Variants in PXDNL observed in about 807,000 individuals in gnomAD.
PXDNL encodes peroxidasin like.
PXDNL carries 145 observed loss-of-function variants against 150.8 expected under a neutral mutation model. The observed-to-expected ratio is 0.96, with a 90% confidence interval of 0.84 to 1.10. The LOEUF (loss-of-function observed/expected upper bound fraction) is 1.10, where lower values mean the gene tolerates loss of function less well. Among genes scored for constraint, PXDNL ranks in the 50% least tolerant of loss-of-function variants. PXDNL has a pLI of 0.00. For synonymous variants in PXDNL, 757 were observed against 725.7 expected (o/e 1.04, Z -0.69); for missense variants, 2,087 against 1,873.9 (o/e 1.11, Z -2.10).
chr8:51,574,744 G>C (rs1762954960), intron 3 of PXDNL, among the ~76,000 whole-genome samples: 1 of 152,014 alleles, frequency 6.6e-6, no homozygotes, highest in South Asian at 2.1e-4. Context: ...AGACGCAAAA[G>C]GAATTGGTAC....
intron 3 of PXDNL, among the ~76,000 whole-genome samples, chr8:51,559,340 C>CA (rs1364431073): frequency 6.9e-6 from 1 of 145,042 alleles, no homozygotes. Flanking sequence ...ACCCCCCCCC[C>CA]CCCCGCCACC....
Position 51,408,496 on chromosome 8 carries a change from C to T in PXDNL, c.3128G>A (p.Gly1043Asp), listed in dbSNP as rs866460228. The change falls in exon 17 of 23, where the codon GGC (glycine) becomes GAC (aspartate). Residue 1043 changes from glycine to aspartate, a missense_variant. Physicochemically the swap from Gly to Asp is moderately conservative, Grantham distance 94. Transcript: ENST00000356297. ...TGCAGTAGCAAAAGAGTTAATGATG[C>T]CTGCATTCACGTTGGGGTTGTAGCC... ...YRGYNPNVNAGIINSFATAAF... is the reference protein window; with the variant it reads ...YRGYNPNVNADIINSFATAAF... 1 of 1,613,442 alleles carries T rather than the reference C, an allele frequency of 6.2e-7. No homozygotes were observed. The highest frequency in any genetic ancestry group is 8.5e-7 in the Non-Finnish European group (1 of 1,179,630).
At chr8:51,622,108 A>G (rs1814270753) in intron 2 of PXDNL, among the ~76,000 whole-genome samples, 1 of 152,176 alleles carries the variant, frequency 6.6e-6, no homozygotes, top group Non-Finnish European at 1.5e-5. Flanking sequence ...AAAAGGATTT[A>G]GTGGGGCTTT....
intron 2 of PXDNL, among the ~76,000 whole-genome samples, chr8:51,607,872 G>GGAAGGAAGGAAA (rs1215416329): frequency 1.0e-4 from 12 of 118,188 alleles, no homozygotes; most frequent in African/African-American, 4.2e-4. Context: ...AAGGAAGGAA[G>GGAAGGAAGGAAA]GAAGGAAGGA....
At chr8:51,613,490 G>A (rs75090202) in intron 2 of PXDNL, among the ~76,000 whole-genome samples, 1 of 123,570 alleles carries the variant, frequency 8.1e-6, no homozygotes, top group African/African-American at 3.0e-5. Flanking sequence ...GGGGCGGGGG[G>A]GGGGCAGGGC....
intron 12 of PXDNL, among the ~76,000 whole-genome samples, chr8:51,444,706 T>A (rs1381988291): frequency 6.6e-6 from 1 of 152,074 alleles, no homozygotes; most frequent in Non-Finnish European, 1.5e-5. Context: ...GGAAAAATAT[T>A]CCTCATAATC....
At chr8:51,423,499 C>A in intron 14 of PXDNL, 76 bp downstream of exon 14, 1 of 1,197,456 alleles carries the variant, frequency 8.4e-7, no homozygotes, top group Non-Finnish European at 1.2e-6. Flanking sequence ...TTAGTGAGAT[C>A]AGTCAAATAG....
intron 2 of PXDNL, among the ~76,000 whole-genome samples, chr8:51,607,651 G>A (rs1238992479): frequency 3.4e-5 from 5 of 149,202 alleles, no homozygotes; most frequent in African/African-American, 1.3e-4. Flanking sequence ...GACAAGCCTG[G>A]CCAACATGGC....
rs868419199 is a variant in PXDNL at position 51,600,571 on chromosome 8, G to T, written c.237-7873C>A. 2.9e-4 allele frequency among the ~76,000 whole-genome samples: 37 copies of T among 129,038 alleles called. 1 individual carries two copies. Among genetic ancestry groups the T allele is most frequent in the African/African-American group, 6.1e-4 (21 of 34,632 alleles). The allele number at this position is 129,038 out of a possible 152,430, so 84.7% of individuals were successfully genotyped here. ...TATCTTATATAAATTATATCGTTTAGATAATAAATTATATCTTATATAAAT... is the reference window on the plus strand; with the variant it reads ...TATCTTATATAAATTATATCGTTTATATAATAAATTATATCTTATATAAAT... On this transcript the variant is annotated intron_variant, in intron 2 of 22. Transcript: ENST00000356297.
chr8:51,641,491 A>C (rs1280628321), intron 2 of PXDNL, among the ~76,000 whole-genome samples: 1 of 152,140 alleles, frequency 6.6e-6, no homozygotes. Context: ...TCTACAATGA[A>C]CTCAAACAAA....
intron 4 of PXDNL, among the ~76,000 whole-genome samples, chr8:51,534,878 G>A (rs1179364280): frequency 2.0e-5 from 2 of 98,196 alleles, no homozygotes; most frequent in African/African-American, 6.0e-5. Context: ...CAGCCGCCCC[G>A]TCCGGGAGGT....
chr8:51,360,228 C>A (rs1377261635), intron 19 of PXDNL, among the ~76,000 whole-genome samples: 1 of 152,060 alleles, frequency 6.6e-6, no homozygotes, highest in Non-Finnish European at 1.5e-5. Context: ...TACATGTATA[C>A]AAATATGCAT....
At chr8:51,735,695 C>T (rs1306809009) in intron 1 of PXDNL, among the ~76,000 whole-genome samples, 6 of 146,674 alleles carry the variant, frequency 4.1e-5, no homozygotes, top group Non-Finnish European at 9.0e-5. Flanking sequence ...TACAGGCGCC[C>T]GCCACTACGC....
chr8:51,425,624 G>A (rs186260781), intron 13 of PXDNL, among the ~76,000 whole-genome samples: 1 of 152,008 alleles, frequency 6.6e-6, no homozygotes, highest in East Asian at 1.9e-4. Context: ...ATGAGGTCAG[G>A]GGATCGAGAC....
chr8:51,561,605 G>A (rs1812722604), intron 3 of PXDNL, among the ~76,000 whole-genome samples: 1 of 151,798 alleles, frequency 6.6e-6, no homozygotes, highest in African/African-American at 2.4e-5. Flanking sequence ...ATTAAACTAA[G>A]TAAAGTAAAC....
chr8:51,390,368 T>C (rs1195343306), intron 17 of PXDNL, among the ~76,000 whole-genome samples: 1 of 152,136 alleles, frequency 6.6e-6, no homozygotes, highest in Non-Finnish European at 1.5e-5. Flanking sequence ...GAAACTCAGA[T>C]AGATCATGCA....
chr8:51,553,969 C>T (rs376376758), intron 4 of PXDNL, among the ~76,000 whole-genome samples: 1 of 151,844 alleles, frequency 6.6e-6, no homozygotes, highest in African/African-American at 2.4e-5. Flanking sequence ...AAAGATGAAT[C>T]GAAGTATGTT....
chr8:51,583,505 A>C (rs74327068), intron 3 of PXDNL, among the ~76,000 whole-genome samples: 7,769 of 152,218 alleles, frequency 0.051, 460 homozygotes, highest in African/African-American at 0.15. Context: ...CCTCCTCAAA[A>C]TTCCTGAATC....
chr8:51,344,882 G>C (rs1806097465), intron 20 of PXDNL, among the ~76,000 whole-genome samples: 1 of 152,176 alleles, frequency 6.6e-6, no homozygotes, highest in Admixed American at 6.6e-5. Flanking sequence ...TTATGAAGCA[G>C]TAGAAACAGG....
Sources: gnomAD v4.1 joint callset for allele counts (sites outside exome capture counted in the v4.1 genomes callset) on GRCh38, gnomAD v4.1.1 for gene constraint, MANE v1.5 for transcripts, NCBI Gene and HGNC (gene_info 2026-07-23, HGNC 2026-07-21) for gene names.